BIN3: variants seen among roughly 807,000 people sequenced by gnomAD.
BIN3 encodes bridging integrator 3.
In BIN3, 41 loss-of-function variants were observed where a neutral mutation model predicts 38.2. The ratio of observed to expected loss-of-function variants is 1.07; its 90% confidence interval spans 0.84 to 1.39. The LOEUF (loss-of-function observed/expected upper bound fraction) is 1.39, where lower values mean the gene tolerates loss of function less well. Among genes scored for constraint, BIN3 ranks in the 40% most tolerant of loss-of-function variants. BIN3 has a pLI of 0.00. For missense variants in BIN3, 361 were observed against 324.3 expected (o/e 1.11, Z -0.87); for synonymous variants, 145 against 122.6 (o/e 1.18, Z -1.21).
chr8:22,649,428 G>A (rs1190381574), intron 1 of BIN3, among the ~76,000 whole-genome samples: 2 of 149,296 alleles, frequency 1.3e-5, no homozygotes, highest in African/African-American at 2.5e-5. Context: ...ACAGAAAAAC[G>A]TGCTCATTGC....
chr8:22,628,349 C>T (rs902565676), intron 6 of BIN3, among the ~76,000 whole-genome samples: 1 of 152,190 alleles, frequency 6.6e-6, no homozygotes, highest in African/African-American at 2.4e-5. Flanking sequence ...TGCTGGGGTC[C>T]CTGGGAGCTT....
chr8:22,623,980 G>C lies in BIN3; in HGVS notation c.550C>G (p.Pro184Ala). 1 of 1,612,504 alleles carries C rather than the reference G, an allele frequency of 6.2e-7. No homozygotes were observed. Among genetic ancestry groups the C allele is most frequent in the Middle Eastern group, 1.7e-4 (1 of 6,008 alleles). The stretch of plus-strand genomic sequence containing the variant: ...TCGAGGCGGCTGCCGTAGAAGCGCG[G>C]CATCTCCTCCAGCAGCTGCCTGTTC... ...AKNRQLLEEM[P>A]RFYGSRLDYF... Residue 184 changes from proline (P) to alanine (A), a missense_variant, in exon 8 of 9, where the codon CCG (proline) becomes GCG (alanine). Pro to Ala is a conservative substitution (Grantham distance 27). Transcript: ENST00000276416.
chr8:22,621,243 C>T lies in BIN3; in HGVS notation c.*179G>A, dbSNP rs1251344752. ...CCTGCTGGGGCTGTGAGTGGGGAGA[C>T]GGCGGCCTGCCTAGGGCTCCTGGTG... On this transcript the variant is annotated 3_prime_UTR_variant, in exon 9 of 9. Coordinates refer to ENST00000276416, the MANE Select transcript of BIN3 (RefSeq NM_018688.6). 3.6e-5 allele frequency: 28 copies of T among 773,824 alleles called. No individual in the cohort carries two copies. Among genetic ancestry groups the T allele is most frequent in the Admixed American group, 5.8e-5 (2 of 34,502 alleles). 47.9% of individuals were successfully genotyped at this position (773,824 alleles called of 1,614,324 possible). A position where few individuals can be genotyped will look rare whatever the true frequency, so the allele number is the denominator to read the frequency against.
At chr8:22,644,979 TAA>T in intron 1 of BIN3, 176 bp from the exon 2 acceptor site, 1 of 574,166 alleles carries the variant, frequency 1.7e-6, no homozygotes. Context: ...GGCTTGGTTC[TAA>T]GAGAGAGATA....
rs549308160 is a variant in BIN3 at position 22,667,045 on chromosome 8, C to A, written c.8+1999G>T. On this transcript the variant is annotated intron_variant, in intron 1 of 8. Transcript: ENST00000276416. Reference sequence around the variant, plus strand: ...TGTGTGCCCAGGCGCCGGTGCTGTTCCCGTCTTTGAGAGACAGGGTCAGGG... The same window carrying A: ...TGTGTGCCCAGGCGCCGGTGCTGTTACCGTCTTTGAGAGACAGGGTCAGGG... Among the ~76,000 whole-genome samples, 400 of 152,268 alleles carry A rather than the reference C, an allele frequency of 2.6e-3. 2 individuals carry two copies. Among genetic ancestry groups the A allele is most frequent in the African/African-American group, 9.1e-3 (380 of 41,544 alleles).
At chr8:22,654,683 C>T (rs1803003093) in intron 1 of BIN3, among the ~76,000 whole-genome samples, 1 of 152,192 alleles carries the variant, frequency 6.6e-6, no homozygotes, top group African/African-American at 2.4e-5. Context: ...TTTTTAATCA[C>T]TGAATACTAG....
chr8:22,622,251 T>G (rs907791427), intron 8 of BIN3, among the ~76,000 whole-genome samples: 4 of 152,214 alleles, frequency 2.6e-5, no homozygotes, highest in African/African-American at 7.2e-5. Flanking sequence ...GGGCCACTTC[T>G]GCCTCAGTTT....
intron 1 of BIN3, 120 bp from the exon 2 acceptor site, chr8:22,644,923 C>G (rs1802668222): frequency 1.2e-6 from 1 of 827,970 alleles, no homozygotes; most frequent in African/African-American, 1.7e-5. Context: ...CCATGGCTTG[C>G]TACTTGGACC....
At chr8:22,642,122 C>G in intron 2 of BIN3, among the ~76,000 whole-genome samples, 1 of 152,134 alleles carries the variant, frequency 6.6e-6, no homozygotes, top group South Asian at 2.1e-4. Context: ...CAGTTGGGTG[C>G]CTTGAGCCAA....
In BIN3 at chr8:22,669,027, GCCTGGGCCTCACTCA is replaced by G; in HGVS notation, c.8+2_8+16del. The G allele has an allele frequency of 1.3e-6, 2 of 1,579,100 alleles. No individual in the cohort carries two copies. The highest frequency in any genetic ancestry group is 1.7e-6 in the Non-Finnish European group (2 of 1,162,968). ...GTCCGCGGGTCCAGCAGCTCCCGCCGCCTGGGCCTCACTCACCAGCTCATGGTCCCGAACCTGCGT... is the reference window on the plus strand; with the variant it reads ...GTCCGCGGGTCCAGCAGCTCCCGCCGCCAGCTCATGGTCCCGAACCTGCGT... On this transcript the variant is annotated splice_donor_variant and splice_donor_5th_base_variant and intron_variant, in intron 1 of 8. Coordinates refer to ENST00000276416, the MANE Select transcript of BIN3 (RefSeq NM_018688.6). LOFTEE classifies it high-confidence loss of function.
In BIN3 at chr8:22,630,448, C is replaced by T. The variant is rs924139171; in HGVS notation, c.291G>A (p.Gln97=). 9 of 1,613,996 alleles carry T rather than the reference C, an allele frequency of 5.6e-6. No individual in the cohort carries two copies. Among genetic ancestry groups the T allele is most frequent in the Admixed American group, 5.0e-5 (3 of 60,022 alleles). The change falls in exon 5 of 9, where the codon CAG becomes CAA. Residue 97 remains glutamine, a synonymous_variant. Coordinates refer to ENST00000276416, the MANE Select transcript of BIN3 (RefSeq NM_018688.6). ...CACACCAAGACCTAGTCACCTTTTC[C>T]TGATTGAAGGCATCCATCCGCTTCA... The part of the protein sequence containing the change: ...TAMKRMDAFN[Q]EKVNQIQKTV...
intron 6 of BIN3, among the ~76,000 whole-genome samples, chr8:22,628,960 C>A (rs1441780727): frequency 6.6e-6 from 1 of 152,196 alleles, no homozygotes; most frequent in African/African-American, 2.4e-5. Flanking sequence ...TCTGGGGAGG[C>A]TGGGGGGCCA....
At chr8:22,649,859 C>A (rs10217028) in intron 1 of BIN3, among the ~76,000 whole-genome samples, 69,599 of 133,264 alleles carry the variant, frequency 0.52, 17,252 homozygotes, top group East Asian at 0.74. Context: ...ACACACACAC[C>A]CCCAAAGGAA....
chr8:22,654,271 T>C (rs1802990303), intron 1 of BIN3, among the ~76,000 whole-genome samples: 1 of 152,270 alleles, frequency 6.6e-6, no homozygotes, highest in Admixed American at 6.5e-5. Context: ...GTGCTTTTTG[T>C]AGGATTTGTG....
intron 2 of BIN3, among the ~76,000 whole-genome samples, chr8:22,638,762 T>C (rs1563960787): frequency 6.6e-6 from 1 of 152,224 alleles, no homozygotes. Flanking sequence ...TCCTAGCATC[T>C]AGAACCTTCC....
intron 4 of BIN3, among the ~76,000 whole-genome samples, chr8:22,634,765 C>T (rs538817355): frequency 3.3e-5 from 5 of 152,198 alleles, no homozygotes; most frequent in East Asian, 3.9e-4. Flanking sequence ...GGGGCTGTTT[C>T]GGTCACCTTC....
rs963158511 is a variant in BIN3 at position 22,620,424 on chromosome 8, T to TTG, written c.*997_*998insCA. The TTG allele has an allele frequency of 3.2e-4, 48 of 152,040 alleles. No individual in the cohort carries two copies. The highest frequency in any genetic ancestry group is 1.2e-3 in the African/African-American group (48 of 41,400). 9.4% of individuals were successfully genotyped at this position (152,040 alleles called of 1,614,324 possible). On this transcript the variant is annotated 3_prime_UTR_variant, in exon 9 of 9. Coordinates refer to ENST00000276416, the MANE Select transcript of BIN3 (RefSeq NM_018688.6). ...TTTGTATATAAAGTTGGGGTTTTTT[T>TTG]TTTTTTTTTTTGGCTTGTTTTTTAA...
intron 1 of BIN3, among the ~76,000 whole-genome samples, chr8:22,664,560 CCT>C (rs1239157404): frequency 2.0e-5 from 3 of 152,242 alleles, no homozygotes; most frequent in African/African-American, 4.8e-5. Context: ...CTGTCAACTC[CCT>C]GTGATTCACT....
chr8:22,665,041 G>C (rs887745412), intron 1 of BIN3, among the ~76,000 whole-genome samples: 2 of 152,198 alleles, frequency 1.3e-5, no homozygotes, highest in African/African-American at 2.4e-5. Flanking sequence ...GTTCTCATGG[G>C]GTTGGTGTGG....
Sources: allele counts gnomAD v4.1 joint callset (sites outside exome capture counted in the v4.1 genomes callset), GRCh38; gene constraint gnomAD v4.1.1; transcripts MANE v1.5; gene names NCBI Gene and HGNC (gene_info 2026-07-23, HGNC 2026-07-21).